PCDHGA3: variants seen among roughly 807,000 people sequenced by gnomAD.
The protein encoded by PCDHGA3 is protocadherin gamma-A3.
In PCDHGA3, 40 loss-of-function variants were observed where a neutral mutation model predicts 58.5. The ratio of observed to expected loss-of-function variants is 0.68; its 90% confidence interval spans 0.53 to 0.89. The LOEUF (loss-of-function observed/expected upper bound fraction) is 0.89, where lower values mean the gene tolerates loss of function less well. PCDHGA3 is among the 40% of genes least tolerant of loss of function. The probability of loss-of-function intolerance (pLI) is 0.00; values close to 1 mark genes in which losing one functional copy is unlikely to be tolerated. For synonymous variants in PCDHGA3, 530 were observed against 525.7 expected (o/e 1.01, Z -0.11); for missense variants, 1,223 against 1,195.9 (o/e 1.02, Z -0.33).
intron 1 of PCDHGA3, chr5:141,421,262 GGCT>G (rs748368476): frequency 2.1e-5 from 34 of 1,608,226 alleles, no homozygotes; most frequent in Admixed American, 5.1e-5. Flanking sequence ...GACCGCAGTC[GGCT>G]GCTGCTGCTG....
intron 1 of PCDHGA3, among the ~76,000 whole-genome samples, chr5:141,406,983 A>G (rs997882236): frequency 6.6e-6 from 1 of 152,250 alleles, no homozygotes; most frequent in Non-Finnish European, 1.5e-5. Context: ...AACATTTCAC[A>G]AGACATTTGA....
At chr5:141,418,687 G>T (rs758554600) in intron 1 of PCDHGA3, 1 of 1,613,928 alleles carries the variant, frequency 6.2e-7, no homozygotes, top group African/African-American at 1.3e-5. Context: ...TCAACTCAGA[G>T]ATCACTTATT....
At chr5:141,350,809 T>C (rs1758566818) in intron 1 of PCDHGA3, 8 of 1,613,916 alleles carry the variant, frequency 5.0e-6, no homozygotes, top group Middle Eastern at 1.6e-4. Context: ...AGGAAAGTCC[T>C]GATGGAAGTA....
At chr5:141,429,597 G>A (rs937301997) in intron 1 of PCDHGA3, among the ~76,000 whole-genome samples, 2 of 152,094 alleles carry the variant, frequency 1.3e-5, no homozygotes, top group Non-Finnish European at 2.9e-5. Flanking sequence ...TGTAATTCAA[G>A]TAAACTCAAT....
At position 141,360,218 on chromosome 5, in the gene PCDHGA3, C is replaced by G. The variant is rs1331722103; in HGVS notation, c.2424+13761C>G. ...TTCCTGTTGTCTTTGTTCCCCGGGG[C>G]TCTCCCAGTCCAGATCCGCTATTCA... On this transcript the variant is annotated intron_variant, in intron 1 of 3. Transcript: ENST00000253812. The G allele has an allele frequency of 1.9e-6, 3 of 1,613,260 alleles. No homozygotes were observed. In the East Asian group the frequency reaches 6.7e-5, roughly 36 times the overall value.
chr5:141,355,189 G>A (rs1414390153), intron 1 of PCDHGA3: 1 of 1,590,876 alleles, frequency 6.3e-7, no homozygotes. Flanking sequence ...GCGACTCCGC[G>A]GCGGGGTTGT....
rs1430647254 is a variant in PCDHGA3 at position 141,477,750 on chromosome 5, C to T, written c.2425-17057C>T. On this transcript the variant is annotated intron_variant, in intron 1 of 3. Coordinates refer to ENST00000253812, the MANE Select transcript of PCDHGA3 (RefSeq NM_018916.4). This position sits in a 1 kb window ranked among gnomAD's most constrained non-coding sequence, Gnocchi z 4.9. ...GCTCATATCAGCGATGGGGGCACCC[C>T]GGTCCTAGCCACCAACATCAGCGTG... 8 of 1,613,772 alleles carry T rather than the reference C, an allele frequency of 5.0e-6. No individual in the cohort carries two copies. Among genetic ancestry groups the T allele is most frequent in the East Asian group, 2.2e-5 (1 of 44,890 alleles).
At chr5:141,454,019 A>G (rs905033407) in intron 1 of PCDHGA3, among the ~76,000 whole-genome samples, 1 of 152,262 alleles carries the variant, frequency 6.6e-6, no homozygotes, top group African/African-American at 2.4e-5. Flanking sequence ...AGAAAAATGT[A>G]TTAAGAATTG....
intron 1 of PCDHGA3, among the ~76,000 whole-genome samples, chr5:141,451,522 A>G (rs1387873094): frequency 6.6e-6 from 1 of 152,200 alleles, no homozygotes; most frequent in Non-Finnish European, 1.5e-5. Flanking sequence ...TAGAGCAAGT[A>G]AAGGAGAGTG....
chr5:141,395,237 G>C (rs760516487), intron 1 of PCDHGA3: 2 of 1,590,946 alleles, frequency 1.3e-6, no homozygotes, highest in Non-Finnish European at 8.6e-7. Flanking sequence ...ATCATGGTCA[G>C]GTGAGTTTAG....
intron 1 of PCDHGA3, among the ~76,000 whole-genome samples, chr5:141,482,765 T>C (rs2099572013): frequency 7.9e-6 from 1 of 127,068 alleles, no homozygotes; most frequent in African/African-American, 3.6e-5. Flanking sequence ...TATTTCATTA[T>C]CACTGAACCT....
chr5:141,449,098 G>A (rs1314761371), intron 1 of PCDHGA3, among the ~76,000 whole-genome samples: 1 of 152,140 alleles, frequency 6.6e-6, no homozygotes, highest in Admixed American at 6.5e-5. Context: ...TTTTACATAT[G>A]CAGTATATCT....
chr5:141,388,326 C>T, intron 1 of PCDHGA3: 1 of 1,613,878 alleles, frequency 6.2e-7, no homozygotes, highest in Non-Finnish European at 8.5e-7. Context: ...GTCTGCACAG[C>T]CTGGCACACG....
intron 1 of PCDHGA3, among the ~76,000 whole-genome samples, chr5:141,483,057 C>T (rs1329609397): frequency 6.6e-6 from 1 of 152,028 alleles, no homozygotes; most frequent in African/African-American, 2.4e-5. Flanking sequence ...TGCACTCCAG[C>T]ATGGGCAACA....
chr5:141,352,486 G>A (rs1425676606), intron 1 of PCDHGA3: 1 of 1,614,000 alleles, frequency 6.2e-7, no homozygotes, highest in Admixed American at 1.7e-5. Flanking sequence ...ACAGCGAGGG[G>A]ACTTTGCCCT....
chr5:141,486,745 C>T lies in PCDHGA3; in HGVS notation c.2425-8062C>T, dbSNP rs1167986336. On this transcript the variant is annotated intron_variant, in intron 1 of 3. Coordinates refer to ENST00000253812, the MANE Select transcript of PCDHGA3 (RefSeq NM_018916.4). This position sits in a 1 kb window ranked among gnomAD's most constrained non-coding sequence, Gnocchi z 5.0. ...CTGTTCATGCTACTCGATCCTTTGA[C>T]TATGAGCAAACCCAGACACTGCAGT... 3.1e-6 allele frequency: 5 copies of T among 1,614,226 alleles called. No homozygotes were observed. The highest frequency in any genetic ancestry group is 3.4e-6 in the Non-Finnish European group (4 of 1,180,044).
Position 141,345,440 on chromosome 5 carries a change from C to G in PCDHGA3, c.1407C>G (p.Ala469=), listed in dbSNP as rs748487318. 2 of 1,614,078 alleles carry G rather than the reference C, an allele frequency of 1.2e-6. No individual in the cohort carries two copies. The highest frequency in any genetic ancestry group is 2.2e-5 in the South Asian group (2 of 91,070). Residue 469 remains alanine, a synonymous_variant, in exon 1 of 4, where the codon GCC becomes GCG. Transcript: ENST00000253812. ...AYIPENNPRG[A]SIFSVTAQDP... is the part of the protein sequence containing the mutation. ...TTCCAGAAAACAACCCCAGAGGAGCCTCCATCTTCTCAGTGACAGCCCAGG... is the reference window on the plus strand; with the variant it reads ...TTCCAGAAAACAACCCCAGAGGAGCGTCCATCTTCTCAGTGACAGCCCAGG...
rs375711929 is a variant in PCDHGA3 at position 141,364,934 on chromosome 5, C to T, written c.2424+18477C>T. 6 of 1,613,896 alleles carry T rather than the reference C, an allele frequency of 3.7e-6. No individual in the cohort carries two copies. Among genetic ancestry groups the T allele is most frequent in the Non-Finnish European group, 5.1e-6 (6 of 1,179,876 alleles). On this transcript the variant is annotated intron_variant, in intron 1 of 3. Transcript: ENST00000253812. Reference sequence around the variant, plus strand: ...GCTGGTGTTGGAACAGCCCCTAGACCGCGAGAAAGAGACTGTTCACGACCT... The same window carrying T: ...GCTGGTGTTGGAACAGCCCCTAGACTGCGAGAAAGAGACTGTTCACGACCT...
At chr5:141,362,765 G>A (rs982398782) in intron 1 of PCDHGA3, 1 of 620,542 alleles carries the variant, frequency 1.6e-6, no homozygotes, top group South Asian at 2.2e-5. Context: ...TATCACATGA[G>A]ATATTGCACT....
Sources: gnomAD v4.1 joint callset for allele counts (sites outside exome capture counted in the v4.1 genomes callset) on GRCh38, gnomAD v4.1.1 for gene constraint, Gnocchi (gnomAD v3.1) non-coding constraint, MANE v1.5 for transcripts, NCBI Gene and HGNC (gene_info 2026-07-23, HGNC 2026-07-21) for gene names.